Variants in MAP4K1 observed in about 807,000 individuals in gnomAD.
MAP4K1 encodes MAPK/ERK kinase kinase kinase 1.
In MAP4K1, 35 loss-of-function variants were observed where a neutral mutation model predicts 122.8. The ratio of observed to expected loss-of-function variants is 0.29; its 90% CI spans 0.22 to 0.38. The LOEUF is 0.38. MAP4K1 is among the 10% of genes least tolerant of loss of function. The pLI is 1.00. For missense variants in MAP4K1, 791 were observed against 1,072.6 expected (o/e 0.74, Z 3.67); for synonymous variants, 412 against 421.3 (o/e 0.98, Z 0.27).
chr19:38,606,850 C>CCA (rs2144729357), intron 16 of MAP4K1, among the ~76,000 whole-genome samples: 2 of 152,346 alleles, frequency 1.3e-5, no homozygotes, highest in East Asian at 3.9e-4. Context: ...TGTGCTGGCG[C>CCA]CACACACAGG....
chr19:38,602,579 T>A (rs1166724722), intron 19 of MAP4K1, among the ~76,000 whole-genome samples: 1 of 149,392 alleles, frequency 6.7e-6, no homozygotes, highest in Non-Finnish European at 1.5e-5. Flanking sequence ...TATACATATA[T>A]ATACACATGT....
At chr19:38,610,952 G>A in intron 11 of MAP4K1, 99 bp downstream of exon 11, 1 of 1,076,442 alleles carries the variant, frequency 9.3e-7, no homozygotes, top group Non-Finnish European at 1.4e-6. Context: ...CTTTGGAAAG[G>A]CCACGGGGAC....
chr19:38,592,416 A>C (rs1974754032), intron 30 of MAP4K1: 1 of 151,786 alleles, frequency 6.6e-6, no homozygotes, highest in Non-Finnish European at 1.5e-5. Flanking sequence ...CTCTACTAAA[A>C]ATACAAAAAA....
intron 30 of MAP4K1, among the ~76,000 whole-genome samples, chr19:38,591,327 G>A (rs976517214): frequency 8.0e-5 from 12 of 150,838 alleles, no homozygotes; most frequent in Middle Eastern, 3.4e-3. Context: ...TCAAGAGTTC[G>A]AGACCAGCCT....
In MAP4K1 at chr19:38,597,997, G is replaced by C. The variant is rs187700201; in HGVS notation, c.1670-403C>G. On this transcript the variant is annotated intron_variant, in intron 22 of 30. Coordinates refer to ENST00000396857, the MANE Select transcript of MAP4K1 (RefSeq NM_001042600.3). This position sits in a 1 kb window ranked among gnomAD's most constrained non-coding sequence, Gnocchi z 4.6. ...ACTCATGAATCCCATTTGGCTTGGTGTTTCCCCCAAAACTAGAAATTATTT... is the reference window on the plus strand; with the variant it reads ...ACTCATGAATCCCATTTGGCTTGGTCTTTCCCCCAAAACTAGAAATTATTT... 4.6e-3 allele frequency among the ~76,000 whole-genome samples: 695 copies of C among 152,022 alleles called. 1 individual carries two copies. Among genetic ancestry groups the C allele is most frequent in the Non-Finnish European group, 7.7e-3 (524 of 67,972 alleles).
At chr19:38,616,287 A>T (rs1864766998) in intron 3 of MAP4K1, 28 bp from the exon 4 acceptor site, 1 of 1,547,486 alleles carries the variant, frequency 6.5e-7, no homozygotes, top group African/African-American at 1.4e-5. Flanking sequence ...TAAGAATAAT[A>T]ATAGCAGTAA....
Position 38,605,395 on chromosome 19 carries a change from G to A in MAP4K1, c.1446+14C>T. On this transcript the variant is annotated intron_variant, in intron 19 of 30. Transcript: ENST00000396857. ...CGTCCAGAGGTGTAAGTCCTCAGCA[G>A]AGCTGAACCTCACCTTTCTCTTCAT... is the stretch of plus-strand genomic sequence containing the variant. The A allele has an allele frequency of 3.2e-6, 5 of 1,556,658 alleles. No homozygotes were observed. The highest frequency in any genetic ancestry group is 3.5e-6 in the Non-Finnish European group (4 of 1,148,634).
At position 38,597,376 on chromosome 19, in the gene MAP4K1, A is replaced by G. The variant is rs1429325567; in HGVS notation, c.1787T>C (p.Met596Thr). ...GGTGTCCTGGATCTTGGTGGAAACC[A>G]TGTTCTTCCTGGAGAATAGGTAGGT... ...SPHRLLARKN[M>T]VSTKIQDTKG... The change falls in exon 24 of 31, where the codon ATG becomes ACG. Residue 596 changes from methionine to threonine, a missense_variant. Met to Thr is a moderately conservative substitution (Grantham distance 81). This residue lies in a region of MAP4K1 where 267 missense variants were observed against 323.0 expected (regional missense o/e 0.83). Coordinates refer to ENST00000396857, the MANE Select transcript of MAP4K1 (RefSeq NM_001042600.3). The surrounding 1 kb of genome is among the most constrained non-coding windows in gnomAD (Gnocchi z 4.6). 5.0e-6 allele frequency: 8 copies of G among 1,613,988 alleles called. No homozygotes were observed. The highest frequency in any genetic ancestry group is 6.8e-6 in the Non-Finnish European group (8 of 1,180,014).
At chr19:38,610,982 C>A (rs1975479575) in intron 11 of MAP4K1, 69 bp downstream of exon 11, 2 of 1,360,604 alleles carry the variant, frequency 1.5e-6, no homozygotes, top group African/African-American at 1.4e-5. Flanking sequence ...CAAAGTTATC[C>A]ATGTCCTCGG....
In MAP4K1 at chr19:38,608,039, G is replaced by A. The variant is rs1188505238; in HGVS notation, c.1066-6C>T. Reference sequence around the variant, plus strand: ...CGAGGAGGCTGTAGGCGAGCCTGTGGGGTAGGAAAAGGGTCAGCAGTGGCC... The same window carrying A: ...CGAGGAGGCTGTAGGCGAGCCTGTGAGGTAGGAAAAGGGTCAGCAGTGGCC... On this transcript the variant is annotated splice_polypyrimidine_tract_variant and splice_region_variant and intron_variant, in intron 14 of 30. Transcript: ENST00000396857. 1 of 1,596,398 alleles carries A rather than the reference G, an allele frequency of 6.3e-7. No homozygotes were observed. The highest frequency in any genetic ancestry group is 1.3e-5 in the African/African-American group (1 of 74,440).
chr19:38,595,881 A>G, intron 27 of MAP4K1, 58 bp downstream of exon 27: 1 of 1,585,608 alleles, frequency 6.3e-7, no homozygotes, highest in Admixed American at 1.7e-5. Flanking sequence ...TCGGAGGCAG[A>G]GATCTAGGGA....
chr19:38,616,304 T>C (rs934109310), intron 3 of MAP4K1, 45 bp from the exon 4 acceptor site: 2 of 1,498,556 alleles, frequency 1.3e-6, no homozygotes, highest in Non-Finnish European at 1.8e-6. Flanking sequence ...GTAAATACAT[T>C]ATTATTTGCA....
chr19:38,600,116 G>T lies in MAP4K1; in HGVS notation c.1569C>A (p.Phe523Leu). ...HLLLGAEEGI[F>L]ILNRNDQEAT... is the part of the protein sequence containing the mutation. ...CCTCCTGGTCATTCCGGTTCAGGATGAAGATGCCTTCCTCTGCCCCCAGGA... is the reference window on the plus strand; with the variant it reads ...CCTCCTGGTCATTCCGGTTCAGGATTAAGATGCCTTCCTCTGCCCCCAGGA... The change falls in exon 21 of 31, where the codon TTC (phenylalanine) becomes TTA (leucine). Residue 523 changes from phenylalanine to leucine, a missense_variant. Coordinates refer to ENST00000396857, the MANE Select transcript of MAP4K1 (RefSeq NM_001042600.3). 6.2e-7 allele frequency: 1 copy of T among 1,614,158 alleles called. No individual in the cohort carries two copies. The highest frequency in any genetic ancestry group is 8.5e-7 in the Non-Finnish European group (1 of 1,180,022).
In MAP4K1 at chr19:38,613,936, C is replaced by T. The variant is rs373830703; in HGVS notation, c.477G>A (p.Ser159=). ...TGGCCAGTGTAGCCCCAATCTGGGC[C>T]GAGATGCCAAAGTCAGCTGGAAGCA... The part of the protein sequence containing the change: ...GEVRLADFGI[S]AQIGATLARR... Residue 159 remains serine (S), a synonymous_variant, in exon 8 of 31, where the codon TCG becomes TCA. Coordinates refer to ENST00000396857, the MANE Select transcript of MAP4K1 (RefSeq NM_001042600.3). 108 of 1,613,974 alleles carry T rather than the reference C, an allele frequency of 6.7e-5. No individual in the cohort carries two copies. In the African/African-American group the frequency reaches 8.9e-4, roughly 13 times the overall value.
chr19:38,597,193 C>G lies in MAP4K1; in HGVS notation c.1838-56G>C. The G allele has an allele frequency of 6.3e-7, 1 of 1,599,222 alleles. No homozygotes were observed. The highest frequency in any genetic ancestry group is 1.7e-5 in the Admixed American group (1 of 59,982). Reference sequence around the variant, plus strand: ...AATGCCCTCTATCCTCCTCGCCACCCACACTACCACCCATCTTCTGGGTTC... The same window carrying G: ...AATGCCCTCTATCCTCCTCGCCACCGACACTACCACCCATCTTCTGGGTTC... On this transcript the variant is annotated intron_variant, in intron 24 of 30. Transcript: ENST00000396857. The surrounding 1 kb of genome is among the most constrained non-coding windows in gnomAD (Gnocchi z 4.6).
chr19:38,594,966 TA>T (rs1180426424), intron 29 of MAP4K1, among the ~76,000 whole-genome samples: 1 of 144,672 alleles, frequency 6.9e-6, no homozygotes, highest in African/African-American at 2.7e-5. Context: ...TTTATCTATC[TA>T]TCTATCTATC....
chr19:38,591,551 G>A (rs1974728265), intron 30 of MAP4K1, among the ~76,000 whole-genome samples: 1 of 151,200 alleles, frequency 6.6e-6, no homozygotes, highest in African/African-American at 2.4e-5. Flanking sequence ...AAAAAGATCT[G>A]GTTAATCTGG....
At chr19:38,596,157 T>A (rs756367225) in intron 26 of MAP4K1, among the ~76,000 whole-genome samples, 155 bp downstream of exon 26, 1 of 150,494 alleles carries the variant, frequency 6.6e-6, no homozygotes, top group Non-Finnish European at 1.5e-5. Flanking sequence ...CCATCATCAA[T>A]CTCCCCAGTT....
intron 29 of MAP4K1, 91 bp downstream of exon 29, chr19:38,595,394 A>G: frequency 1.5e-6 from 2 of 1,310,678 alleles, no homozygotes; most frequent in Non-Finnish European, 2.2e-6. Context: ...AGGACTTCAC[A>G]CTCTGACTCA....
Sources: allele counts gnomAD v4.1 joint callset (sites outside exome capture counted in the v4.1 genomes callset), GRCh38; gene constraint gnomAD v4.1.1; regional missense constraint gnomAD v4.1.1; non-coding constraint Gnocchi (gnomAD v3.1); transcripts MANE v1.5; gene names NCBI Gene and HGNC (gene_info 2026-07-23, HGNC 2026-07-21).